Variants in IFT27 observed in about 807,000 individuals in gnomAD.
The protein encoded by IFT27 is intraflagellar transport protein 27 homolog.
In IFT27, 19 loss-of-function variants were observed where a neutral mutation model predicts 23.9. That is an observed-to-expected ratio of 0.79 (90% confidence interval 0.55 to 1.16). The LOEUF (loss-of-function observed/expected upper bound fraction) is 1.16. Ranked by LOEUF, IFT27 falls within the 50% of genes most tolerant of loss-of-function variation. The pLI is 0.00. For missense variants in IFT27, 206 were observed against 228.7 expected (o/e 0.90, Z 0.64); for synonymous variants, 91 against 89.1 (o/e 1.02, Z -0.12).
chr22:36,763,668 C>A, intron 5 of IFT27: 1 of 573,712 alleles, frequency 1.7e-6, no homozygotes, highest in Admixed American at 2.8e-5. Context: ...AGCACCCTCC[C>A]GTTATTGAGT....
At chr22:36,773,882 G>A (rs1175583999) in intron 1 of IFT27, among the ~76,000 whole-genome samples, 1 of 152,106 alleles carries the variant, frequency 6.6e-6, no homozygotes, top group African/African-American at 2.4e-5. Context: ...TTGCTATGAG[G>A]ATTCAATGAG....
chr22:36,764,028 A>G lies in IFT27; in HGVS notation c.243T>C (p.Ser81=). 6.2e-7 allele frequency: 1 copy of G among 1,610,446 alleles called. No individual in the cohort carries two copies. The highest frequency in any genetic ancestry group is 8.5e-7 in the Non-Finnish European group (1 of 1,176,694). Residue 81 remains serine (S), a synonymous_variant, in exon 5 of 7, where the codon AGT becomes AGC. Coordinates refer to ENST00000433985, the MANE Select transcript of IFT27 (RefSeq NM_001177701.3). ...FSEMLDKLWE[S]PNVLCLVYDV... The stretch of plus-strand genomic sequence containing the variant: ...CATAGACGAGACATAAGACATTGGG[A>G]CTCTCCCACTGTGCAAGAGGGACAG...
chr22:36,761,809 T>A (rs1358745885), intron 6 of IFT27: 3 of 152,218 alleles, frequency 2.0e-5, no homozygotes, highest in Non-Finnish European at 4.4e-5. Flanking sequence ...GGGAGTTTTA[T>A]AAGCTCGGAC....
chr22:36,771,791 CTCTTCTTTTT>C (rs1334619442), intron 1 of IFT27, among the ~76,000 whole-genome samples: 1 of 152,188 alleles, frequency 6.6e-6, no homozygotes, highest in Non-Finnish European at 1.5e-5. Flanking sequence ...CACTTCTTTT[CTCTTCTTTTT>C]TCTCCCGGCT....
intron 1 of IFT27, among the ~76,000 whole-genome samples, chr22:36,771,837 A>C (rs555701217): frequency 6.6e-6 from 1 of 152,218 alleles, no homozygotes; most frequent in Non-Finnish European, 1.5e-5. Context: ...GGTGGCATCA[A>C]CAGGTGGACC....
intron 5 of IFT27, chr22:36,763,543 T>C: frequency 2.7e-6 from 1 of 368,842 alleles, no homozygotes; most frequent in Non-Finnish European, 5.2e-6. Context: ...AATAAACTGA[T>C]TTAAAGCATT....
intron 5 of IFT27, 166 bp downstream of exon 5, chr22:36,763,753 C>T (rs1313000114): frequency 8.6e-6 from 6 of 701,360 alleles, no homozygotes; most frequent in East Asian, 2.7e-5. Context: ...GGTGACTCAC[C>T]GAGGTTGGCA....
intron 3 of IFT27, chr22:36,766,914 C>G (rs527543613): frequency 6.6e-6 from 1 of 151,666 alleles, no homozygotes; most frequent in Admixed American, 6.8e-5. Context: ...TTCTCTTCAT[C>G]AGAAGTACTT....
At position 36,775,749 on chromosome 22, in the gene IFT27, C is replaced by T. The variant is rs369610277; in HGVS notation, c.-42G>A. On this transcript the variant is annotated 5_prime_UTR_variant, in exon 1 of 7. Transcript: ENST00000433985. Reference sequence around the variant, plus strand: ...GCGAGCCGTACCCAGAGGACAAGAGCGGCTGCTAGAGACGCGAGTGGGTGG... The same window carrying T: ...GCGAGCCGTACCCAGAGGACAAGAGTGGCTGCTAGAGACGCGAGTGGGTGG... 1 of 1,612,398 alleles carries T rather than the reference C, an allele frequency of 6.2e-7. No individual in the cohort carries two copies. The highest frequency in any genetic ancestry group is 8.5e-7 in the Non-Finnish European group (1 of 1,178,590).
At chr22:36,771,766 C>G (rs978982337) in intron 1 of IFT27, among the ~76,000 whole-genome samples, 1 of 152,200 alleles carries the variant, frequency 6.6e-6, no homozygotes, top group Non-Finnish European at 1.5e-5. Flanking sequence ...TCTGTCTTCC[C>G]GACTGTGCCT....
At chr22:36,767,672 G>T in intron 2 of IFT27, 111 bp downstream of exon 2, 2 of 1,008,502 alleles carry the variant, frequency 2.0e-6, no homozygotes, top group Non-Finnish European at 3.1e-6. Flanking sequence ...CCTCTGAGCA[G>T]CCTTTCATCA....
intron 6 of IFT27, 81 bp from the exon 7 acceptor site, chr22:36,758,490 C>T: frequency 7.8e-6 from 8 of 1,030,334 alleles, no homozygotes; most frequent in Admixed American, 5.3e-5. Context: ...TTCCCTCATT[C>T]GGGGGCTACC....
chr22:36,769,194 G>A (rs747318994), intron 1 of IFT27, among the ~76,000 whole-genome samples: 5 of 152,120 alleles, frequency 3.3e-5, no homozygotes, highest in Admixed American at 6.6e-5. Context: ...CCCCCTCATG[G>A]ACCTGTTCAC....
Position 36,766,157 on chromosome 22 carries a change from G to A in IFT27, c.215C>T (p.Ser72Leu), listed in dbSNP as rs1381336749. ...IFDSAGKELFSEMLDKLWESP... is the reference protein window; with the variant it reads ...IFDSAGKELFLEMLDKLWESP... Reference sequence around the variant, plus strand: ...ACTTGCCAATTTATCCAGCATTTCCGAAAACAGCTCCTTGCCAGCAGAGTC... The same window carrying A: ...ACTTGCCAATTTATCCAGCATTTCCAAAAACAGCTCCTTGCCAGCAGAGTC... Residue 72 changes from serine to leucine, a missense_variant, in exon 4 of 7, where the codon TCG becomes TTG. Transcript: ENST00000433985. The A allele has an allele frequency of 1.5e-5, 25 of 1,614,124 alleles. No individual in the cohort carries two copies. In the East Asian group the frequency reaches 1.8e-4, roughly 12 times the overall value.
At chr22:36,767,115 C>A in intron 3 of IFT27, 191 bp downstream of exon 3, 1 of 492,554 alleles carries the variant, frequency 2.0e-6, no homozygotes, top group Non-Finnish European at 3.7e-6. Context: ...TCTCCTAGTC[C>A]TCCTTCCTTC....
chr22:36,761,530 A>G (rs1938090563), intron 6 of IFT27: 1 of 152,234 alleles, frequency 6.6e-6, no homozygotes, highest in Non-Finnish European at 1.5e-5. Context: ...TCTAGGGGTA[A>G]TATTTATACT....
chr22:36,763,083 G>C, intron 5 of IFT27, 70 bp from the exon 6 acceptor site: 2 of 1,162,886 alleles, frequency 1.7e-6, no homozygotes, highest in South Asian at 1.5e-5. Context: ...GGCGAGATGA[G>C]AGCACTATTT....
Position 36,763,952 on chromosome 22 carries a change from C to G in IFT27, c.319G>C (p.Ala107Pro). The G allele has an allele frequency of 6.2e-7, 1 of 1,614,062 alleles. No homozygotes were observed. Among genetic ancestry groups the G allele is most frequent in the Non-Finnish European group, 8.5e-7 (1 of 1,179,892 alleles). The change falls in exon 5 of 7, where the codon GCT becomes CCT. Residue 107 changes from alanine to proline, a missense_variant. Ala to Pro is a conservative substitution (Grantham distance 27). Transcript: ENST00000433985. ...GAGATGCCTGGAGCCTGTGACCGAG[C>G]CTTCTCCAGCCACTTGCTGCAGTTG... ...FNNCSKWLEK[A>P]RSQAPGISLP...
intron 3 of IFT27, chr22:36,767,042 G>T: frequency 3.4e-6 from 1 of 295,994 alleles, no homozygotes; most frequent in South Asian, 8.8e-5. Flanking sequence ...AGAGCCCCAG[G>T]TTCCCATAAA....
Sources: gnomAD v4.1 joint callset for allele counts (sites outside exome capture counted in the v4.1 genomes callset) on GRCh38, gnomAD v4.1.1 for gene constraint, MANE v1.5 for transcripts, NCBI Gene and HGNC (gene_info 2026-07-23, HGNC 2026-07-21) for gene names.